ARHGEF11: variants seen among roughly 807,000 people sequenced by gnomAD.
The protein encoded by ARHGEF11 is Rho guanine nucleotide exchange factor 11, also known as Rho guanine exchange factor (GEF) 11.
In ARHGEF11, 55 loss-of-function variants were observed where a neutral mutation model predicts 193.7. The ratio of observed to expected loss-of-function variants is 0.28; its 90% CI spans 0.23 to 0.36. ARHGEF11 has a LOEUF of 0.36. ARHGEF11 is among the 10% of genes least tolerant of loss of function. The pLI is 1.00. For missense variants in ARHGEF11, 1,723 were observed against 2,005.6 expected (o/e 0.86, Z 2.69); for synonymous variants, 693 against 768.0 (o/e 0.90, Z 1.62).
At position 156,979,201 on chromosome 1, in the gene ARHGEF11, C is replaced by T. The variant is rs2275207; in HGVS notation, c.331+28G>A. ...CCCTCTCGGATCATCTGCTTCCCTA[C>T]TTTAGTTGTCACCTCTCTCCAACTC... On this transcript the variant is annotated intron_variant, in intron 5 of 40. Coordinates refer to ENST00000368194, the MANE Select transcript of ARHGEF11 (RefSeq NM_198236.3). The T allele has an allele frequency of 3.2e-5, 51 of 1,610,264 alleles. No homozygotes were observed. In the East Asian group the frequency reaches 1.1e-3, roughly 35 times the overall value.
At chr1:156,953,841 A>G (rs12072819) in intron 21 of ARHGEF11, among the ~76,000 whole-genome samples, 5,876 of 152,256 alleles carry the variant, frequency 0.039, 412 homozygotes, top group African/African-American at 0.13. Flanking sequence ...AATGTTTTAA[A>G]TACATGGATT....
At chr1:157,020,707 G>A (rs1217805332) in intron 1 of ARHGEF11, among the ~76,000 whole-genome samples, 5 of 152,162 alleles carry the variant, frequency 3.3e-5, no homozygotes, top group Non-Finnish European at 7.4e-5. Flanking sequence ...ATAATACGGG[G>A]TTTTGTTTTG....
rs1660894741 is a variant in ARHGEF11 at position 156,961,785 on chromosome 1, G to A, written c.1141-10C>T. On this transcript the variant is annotated splice_polypyrimidine_tract_variant and intron_variant, in intron 13 of 40. Coordinates refer to ENST00000368194, the MANE Select transcript of ARHGEF11 (RefSeq NM_198236.3). ...CACACAGGTAAAAAAGCTAGGAGGA[G>A]AGAGAACTGGGTTAGAGCAGTGGTT... 1 of 1,613,128 alleles carries A rather than the reference G, an allele frequency of 6.2e-7. No homozygotes were observed. Among genetic ancestry groups the A allele is most frequent in the Non-Finnish European group, 8.5e-7 (1 of 1,179,212 alleles).
chr1:157,010,354 C>T (rs1234104334), intron 1 of ARHGEF11, among the ~76,000 whole-genome samples: 2 of 80,036 alleles, frequency 2.5e-5, no homozygotes, highest in African/African-American at 7.7e-5. Flanking sequence ...TACAGAAAAT[C>T]CTAAGGAGCC....
intron 1 of ARHGEF11, among the ~76,000 whole-genome samples, chr1:156,988,592 T>C (rs768289371): frequency 1.3e-5 from 2 of 152,180 alleles, no homozygotes; most frequent in African/African-American, 4.8e-5. Context: ...TGATTTGGTT[T>C]GCATTTGAGC....
chr1:157,016,177 A>T (rs1023181135), intron 1 of ARHGEF11, among the ~76,000 whole-genome samples: 2 of 152,192 alleles, frequency 1.3e-5, no homozygotes, highest in Non-Finnish European at 2.9e-5. Flanking sequence ...GGCCTGGCAC[A>T]TGGTCAGCGA....
chr1:157,025,156 A>T (rs146206615), intron 1 of ARHGEF11, among the ~76,000 whole-genome samples: 1 of 152,214 alleles, frequency 6.6e-6, no homozygotes, highest in Non-Finnish European at 1.5e-5. Context: ...GAGATTTGTT[A>T]TCTCTACCAA....
Position 156,948,329 on chromosome 1 carries a change from G to C in ARHGEF11, c.2095C>G (p.Leu699Val), listed in dbSNP as rs771985424. 6.2e-7 allele frequency: 1 copy of C among 1,614,116 alleles called. No homozygotes were observed. The highest frequency in any genetic ancestry group is 1.1e-5 in the South Asian group (1 of 91,086). The change falls in exon 23 of 41, where the codon CTC (leucine) becomes GTC (valine). Residue 699 changes from leucine to valine, a missense_variant. Coordinates refer to ENST00000368194, the MANE Select transcript of ARHGEF11 (RefSeq NM_198236.3). The surrounding 1 kb of genome is among the most constrained non-coding windows in gnomAD (Gnocchi z 4.2). ...TGTAGCCCTGCCCACCTGGTGGAGAGGCTGGAGGTAGAGGACGAGGCTGAC... is the reference window on the plus strand; with the variant it reads ...TGTAGCCCTGCCCACCTGGTGGAGACGCTGGAGGTAGAGGACGAGGCTGAC... ...HQSASSSTSS[L>V]STRSLENPTP... is the part of the protein sequence containing the mutation.
chr1:157,036,180 T>C (rs910566159), intron 1 of ARHGEF11, among the ~76,000 whole-genome samples: 4 of 133,470 alleles, frequency 3.0e-5, no homozygotes, highest in Non-Finnish European at 6.4e-5. Context: ...TGAATACATA[T>C]ATGAATACAT....
intron 28 of ARHGEF11, among the ~76,000 whole-genome samples, chr1:156,946,420 T>C (rs577816997): frequency 3.3e-5 from 5 of 152,250 alleles, no homozygotes; most frequent in African/African-American, 9.6e-5. Flanking sequence ...GAAACTGAGA[T>C]CCATCTCAGG....
Position 156,969,985 on chromosome 1 carries a change from A to AT in ARHGEF11, c.748+12dup, listed in dbSNP as rs749393818. ...AGATATGCCAGAGAAAAAAGGGGTG[A>AT]TGGGGGACTTACCTTCTGATGGTCT... On this transcript the variant is annotated intron_variant, in intron 9 of 40. Transcript: ENST00000368194. 2 of 1,613,722 alleles carry AT rather than the reference A, an allele frequency of 1.2e-6. No individual in the cohort carries two copies. Among genetic ancestry groups the AT allele is most frequent in the Non-Finnish European group, 1.7e-6 (2 of 1,179,770 alleles).
Position 156,947,972 on chromosome 1 carries a change from C to A in ARHGEF11, c.2154-16G>T. 6.2e-7 allele frequency: 1 copy of A among 1,610,384 alleles called. No individual in the cohort carries two copies. The highest frequency in any genetic ancestry group is 8.5e-7 in the Non-Finnish European group (1 of 1,177,136). On this transcript the variant is annotated splice_polypyrimidine_tract_variant and intron_variant, in intron 24 of 40. Transcript: ENST00000368194. ...CTCAATGCTCCTGGGGGAAAACAGG[C>A]AGCTCAGCTTCATTTAGGAGGAAGA...
At chr1:157,039,210 T>C (rs1217375629) in intron 1 of ARHGEF11, among the ~76,000 whole-genome samples, 13 of 152,198 alleles carry the variant, frequency 8.5e-5, no homozygotes, top group Admixed American at 7.9e-4. Context: ...AGACAATGAT[T>C]TCTGAAAAAC....
At chr1:157,003,397 G>A (rs1667432273) in intron 1 of ARHGEF11, among the ~76,000 whole-genome samples, 1 of 152,216 alleles carries the variant, frequency 6.6e-6, no homozygotes, top group African/African-American at 2.4e-5. Context: ...GCAGGGACTA[G>A]GGCTGCTTGA....
intron 9 of ARHGEF11, 37 bp downstream of exon 9, chr1:156,969,961 G>C (rs1234869186): frequency 8.1e-6 from 13 of 1,609,028 alleles, no homozygotes; most frequent in Non-Finnish European, 1.0e-5. Flanking sequence ...CTGGACTAGA[G>C]ATATGCCAGA....
chr1:157,007,087 C>T (rs779359662), intron 1 of ARHGEF11, among the ~76,000 whole-genome samples: 2 of 152,120 alleles, frequency 1.3e-5, no homozygotes, highest in African/African-American at 2.4e-5. Context: ...CTGTGTCACA[C>T]CTGTTCTCCA....
chr1:156,946,549 G>T, intron 28 of ARHGEF11, 113 bp downstream of exon 28: 1 of 1,448,370 alleles, frequency 6.9e-7, no homozygotes. Context: ...GTGTCGAAGG[G>T]TAGAGGGAGT....
chr1:156,945,757 T>C, intron 29 of ARHGEF11: 1 of 357,862 alleles, frequency 2.8e-6, no homozygotes, highest in Non-Finnish European at 5.2e-6. Flanking sequence ...CCAGGTGCCC[T>C]TGAGTGCCAG....
intron 1 of ARHGEF11, among the ~76,000 whole-genome samples, chr1:157,006,441 T>A (rs1201656065): frequency 6.6e-6 from 1 of 150,956 alleles, no homozygotes; most frequent in Non-Finnish European, 1.5e-5. Flanking sequence ...AGCGGGACTG[T>A]GAGAGGGAGT....
Sources: gnomAD v4.1 joint callset for allele counts (sites outside exome capture counted in the v4.1 genomes callset) on GRCh38, gnomAD v4.1.1 for gene constraint, Gnocchi (gnomAD v3.1) non-coding constraint, MANE v1.5 for transcripts, NCBI Gene and HGNC (gene_info 2026-07-23, HGNC 2026-07-21) for gene names.